The following GRIN2A variants were observed in gnomAD, a reference collection of about 807,000 sequenced individuals.
The protein encoded by GRIN2A is glutamate ionotropic receptor NMDA type subunit 2A.
In GRIN2A, 22 loss-of-function variants were observed where a neutral mutation model predicts 113.4. The ratio of observed to expected loss-of-function variants is 0.19; its 90% confidence interval spans 0.14 to 0.28. The LOEUF (loss-of-function observed/expected upper bound fraction) is 0.28. Among genes scored for constraint, GRIN2A ranks in the 10% least tolerant of loss-of-function variants. The pLI is 1.00. For missense variants in GRIN2A, 1,502 were observed against 1,887.0 expected, an observed-to-expected ratio of 0.80 and a Z score of 3.78; for synonymous variants, 827 against 738.4, an observed-to-expected ratio of 1.12 and a Z score of -1.94.
intron 2 of GRIN2A, among the ~76,000 whole-genome samples, chr16:10,087,235 G>A (rs910754208): frequency 8.5e-5 from 13 of 152,138 alleles, no homozygotes; most frequent in Admixed American, 2.6e-4. Context: ...TATATCTACC[G>A]CATTGGTTTT....
In GRIN2A at chr16:10,000,705, CTTTGGT is replaced by C. The variant is rs2046305619; in HGVS notation, c.415-62160_415-62155del. 2.6e-5 allele frequency among the ~76,000 whole-genome samples: 4 copies of C among 152,190 alleles called. No individual in the cohort carries two copies. The South Asian group carries it at 8.3e-4, about 32-fold the overall frequency. ...AGATTCTTCCCTATCCATCATGCTT[CTTTGGT>C]TTTGGACAGCACCTTGTAAATATCA... On this transcript the variant is annotated intron_variant, in intron 2 of 12. Coordinates refer to ENST00000330684, the MANE Select transcript of GRIN2A (RefSeq NM_001134407.3).
chr16:9,984,838 G>GT (rs2045951829), intron 2 of GRIN2A, among the ~76,000 whole-genome samples: 1 of 152,032 alleles, frequency 6.6e-6, no homozygotes, highest in South Asian at 2.1e-4. Context: ...TTAGTTTTTG[G>GT]TTTTTTATTA....
intron 2 of GRIN2A, among the ~76,000 whole-genome samples, chr16:10,128,361 A>T (rs1246486409): frequency 6.6e-6 from 1 of 152,140 alleles, no homozygotes; most frequent in Non-Finnish European, 1.5e-5. Flanking sequence ...GTCAGAAATG[A>T]TCGTTTTATG....
At chr16:10,122,387 G>T (rs887854035) in intron 2 of GRIN2A, among the ~76,000 whole-genome samples, 1 of 152,106 alleles carries the variant, frequency 6.6e-6, no homozygotes, top group Non-Finnish European at 1.5e-5. Context: ...CTACAAAAGC[G>T]GGGAGGTAGG....
rs149235956 is a variant in GRIN2A, at chr16:10,034,646, G to T, written c.415-96095C>A. ...GAATGATTAAGGTCAAGAGGTAAAG[G>T]TGTCACTCATCTTTAATAGTCCCAG... On this transcript the variant is annotated intron_variant, in intron 2 of 12. Transcript: ENST00000330684. Among the ~76,000 whole-genome samples the T allele has an allele frequency of 3.2e-3, 480 of 151,144 alleles. 1 individual carries two copies. The highest frequency in any genetic ancestry group is 0.011 in the African/African-American group (440 of 41,248).
chr16:10,064,643 G>C (rs2047613306), intron 2 of GRIN2A, among the ~76,000 whole-genome samples: 1 of 152,144 alleles, frequency 6.6e-6, no homozygotes, highest in South Asian at 2.1e-4. Flanking sequence ...TTAATATGGT[G>C]ACTAAAACAT....
At chr16:9,957,855 C>T (rs1430978855) in intron 2 of GRIN2A, among the ~76,000 whole-genome samples, 1 of 152,314 alleles carries the variant, frequency 6.6e-6, no homozygotes, top group South Asian at 2.1e-4. Flanking sequence ...TCACCTGGGC[C>T]TCTGCCTGTT....
rs71400489 is a variant in GRIN2A, at chr16:9,771,552, TC to T, written c.2357-2464del. 4.7e-4 allele frequency among the ~76,000 whole-genome samples: 71 copies of T among 151,800 alleles called. No individual in the cohort carries two copies. In the East Asian group the frequency reaches 0.012, roughly 26 times the overall value. ...TTAAACCTCTAGTCTTTCAGATTAC[TC>T]CCCCCCACCCCCACCTTAGTTCTTG... On this transcript the variant is annotated intron_variant, in intron 11 of 12. Coordinates refer to ENST00000330684, the MANE Select transcript of GRIN2A (RefSeq NM_001134407.3).
rs140025935 is a variant in GRIN2A, at chr16:9,882,579, G to C, written c.1122+8407C>G. Among the ~76,000 whole-genome samples, 1,229 of 152,212 alleles carry C rather than the reference G, an allele frequency of 8.1e-3. 17 individuals carry two copies. Among genetic ancestry groups the C allele is most frequent in the African/African-American group, 0.028 (1,168 of 41,528 alleles). ...AGATGGGAGGACTGTTTGAGGTTAG[G>C]AGATTGAGACCAGCCTGGGCAGCAT... is the stretch of plus-strand genomic sequence containing the variant. On this transcript the variant is annotated intron_variant, in intron 4 of 12. Coordinates refer to ENST00000330684, the MANE Select transcript of GRIN2A (RefSeq NM_001134407.3).
intron 2 of GRIN2A, among the ~76,000 whole-genome samples, chr16:10,090,010 T>C (rs1270524903): frequency 6.6e-6 from 1 of 152,122 alleles, no homozygotes; most frequent in Non-Finnish European, 1.5e-5. Flanking sequence ...GATGATACCA[T>C]GTGATAAAAA....
chr16:10,178,333 G>T (rs1373230111), intron 2 of GRIN2A, among the ~76,000 whole-genome samples: 3 of 152,174 alleles, frequency 2.0e-5, no homozygotes, highest in African/African-American at 7.2e-5. Flanking sequence ...CATCATTAAA[G>T]TATGGGCTTG....
chr16:10,138,029 G>C (rs1250173763), intron 2 of GRIN2A, among the ~76,000 whole-genome samples: 9 of 152,194 alleles, frequency 5.9e-5, no homozygotes, highest in African/African-American at 1.9e-4. Context: ...ACCAATCCCT[G>C]GCCATGAGAC....
chr16:10,119,774 C>T (rs1037021724), intron 2 of GRIN2A, among the ~76,000 whole-genome samples: 1 of 152,152 alleles, frequency 6.6e-6, no homozygotes, highest in Non-Finnish European at 1.5e-5. Context: ...CTGTTGTTCC[C>T]CTCCCTATGT....
At chr16:9,847,956 G>T (rs4238635) in intron 5 of GRIN2A, among the ~76,000 whole-genome samples, 146,126 of 146,128 alleles carry the variant, frequency 1, 73,062 homozygotes, top group Non-Finnish European at 1. Flanking sequence ...TGTTATATAT[G>T]TTTAACATGA....
chr16:9,785,473 A>T (rs373770529), intron 11 of GRIN2A, among the ~76,000 whole-genome samples: 1 of 151,258 alleles, frequency 6.6e-6, no homozygotes. Context: ...TAGCATTAGG[A>T]GATATACCTA....
intron 11 of GRIN2A, among the ~76,000 whole-genome samples, chr16:9,787,556 T>TG (rs778885315): frequency 1.3e-5 from 2 of 152,192 alleles, no homozygotes; most frequent in Non-Finnish European, 2.9e-5. Flanking sequence ...CAGGACCTCC[T>TG]GGGGGGCTGT....
intron 11 of GRIN2A, among the ~76,000 whole-genome samples, chr16:9,786,705 T>C (rs1902250162): frequency 6.6e-6 from 1 of 152,156 alleles, no homozygotes; most frequent in Non-Finnish European, 1.5e-5. Context: ...CCTGGCGCCC[T>C]CCTGCATAGG....
At chr16:10,018,070 G>A (rs1033001140) in intron 2 of GRIN2A, among the ~76,000 whole-genome samples, 17 of 152,102 alleles carry the variant, frequency 1.1e-4, no homozygotes, top group Admixed American at 6.5e-4. Flanking sequence ...GCCCTGATAC[G>A]TGGCTTTCCA....
chr16:10,038,939 G>A (rs2047089160), intron 2 of GRIN2A, among the ~76,000 whole-genome samples: 1 of 151,588 alleles, frequency 6.6e-6, no homozygotes, highest in Non-Finnish European at 1.5e-5. Context: ...ATTGCAACTA[G>A]TCCTTCAAAA....
Sources: allele counts gnomAD v4.1 joint callset (sites outside exome capture counted in the v4.1 genomes callset), GRCh38; gene constraint gnomAD v4.1.1; transcripts MANE v1.5; gene names NCBI Gene and HGNC (gene_info 2026-07-23, HGNC 2026-07-21).